Variants in SAMMSON observed in about 807,000 individuals in gnomAD.
The protein encoded by SAMMSON is survival associated mitochondrial melanoma specific oncogenic non-coding RNA, also known as long intergenic non-protein coding RNA 1212.
At chr3:70,281,798 C>T (rs1253974777) in intron 6 of SAMMSON, among the ~76,000 whole-genome samples, 1 of 152,158 alleles carries the variant, frequency 6.6e-6, no homozygotes, top group African/African-American at 2.4e-5. Flanking sequence ...AAAATTCTTG[C>T]ACATATGAAT....
chr3:70,145,389 C>T (rs1171856814), intron 4 of SAMMSON, among the ~76,000 whole-genome samples: 1 of 152,104 alleles, frequency 6.6e-6, no homozygotes, highest in Admixed American at 6.6e-5. Flanking sequence ...CCATCAAAAA[C>T]CAACGGAATA....
At chr3:70,215,134 G>A (rs940185292) in intron 4 of SAMMSON, among the ~76,000 whole-genome samples, 1 of 152,018 alleles carries the variant, frequency 6.6e-6, no homozygotes, top group Non-Finnish European at 1.5e-5. Context: ...GTCACTTAAA[G>A]TCTCTTATGT....
chr3:70,001,663 G>T (rs773489635), intron 1 of SAMMSON, among the ~76,000 whole-genome samples: 15 of 152,036 alleles, frequency 9.9e-5, no homozygotes, highest in Non-Finnish European at 1.9e-4. Context: ...GGGGAATCAC[G>T]ACTTTCTAAT....
At chr3:70,093,002 G>A (rs559362758) in intron 4 of SAMMSON, among the ~76,000 whole-genome samples, 2 of 151,668 alleles carry the variant, frequency 1.3e-5, no homozygotes, top group Non-Finnish European at 2.9e-5. Flanking sequence ...CCTGGGATGG[G>A]AACAGTGAGA....
chr3:70,284,405 CA>C (rs1230851563), intron 6 of SAMMSON, among the ~76,000 whole-genome samples: 7 of 151,946 alleles, frequency 4.6e-5, no homozygotes, highest in Non-Finnish European at 1.5e-5. Flanking sequence ...TTTCTAAAAA[CA>C]AAAGCAAAAA....
At position 70,387,678 on chromosome 3, in the gene SAMMSON, G is replaced by A. The variant is rs1700984289; in HGVS notation, n.914-1896G>A. ...ACCTAAGGGCAAAATGTAACAATCA[G>A]GTCACACAGAGAACTTCAAAATAGC... On this transcript the variant is annotated intron_variant and non_coding_transcript_variant, in intron 9 of 9. Transcript: ENST00000642114. Among the ~76,000 whole-genome samples, 3 of 152,116 alleles carry A rather than the reference G, an allele frequency of 2.0e-5. No homozygotes were observed. In the South Asian group the frequency reaches 6.2e-4, roughly 32 times the overall value.
intron 9 of SAMMSON, among the ~76,000 whole-genome samples, chr3:70,384,866 A>G (rs1453856768): frequency 6.6e-5 from 10 of 152,048 alleles, no homozygotes; most frequent in Admixed American, 6.6e-4. Context: ...GAAATGTTCT[A>G]TATTTGTGCT....
At chr3:70,200,016 C>T (rs996445866) in intron 4 of SAMMSON, among the ~76,000 whole-genome samples, 1 of 152,138 alleles carries the variant, frequency 6.6e-6, no homozygotes, top group Non-Finnish European at 1.5e-5. Flanking sequence ...CAGATGAATT[C>T]GGCAGAAACC....
At chr3:70,385,306 GATATTA>G (rs1484144640) in intron 9 of SAMMSON, among the ~76,000 whole-genome samples, 1 of 152,070 alleles carries the variant, frequency 6.6e-6, no homozygotes, top group Non-Finnish European at 1.5e-5. Context: ...GTACTCATCA[GATATTA>G]ATACTTCCTC....
At chr3:70,052,083 G>A (rs1209854026) in intron 3 of SAMMSON, among the ~76,000 whole-genome samples, 1 of 152,098 alleles carries the variant, frequency 6.6e-6, no homozygotes, top group Non-Finnish European at 1.5e-5. Flanking sequence ...GGGCAATACA[G>A]CGAGGACCTG....
intron 7 of SAMMSON, among the ~76,000 whole-genome samples, chr3:70,334,990 A>G (rs1702650439): frequency 6.6e-6 from 1 of 151,926 alleles, no homozygotes; most frequent in African/African-American, 2.4e-5. Context: ...ATGTTATGGG[A>G]AAAAAGTTGA....
chr3:70,228,061 G>T (rs1459343485), intron 4 of SAMMSON, among the ~76,000 whole-genome samples: 1 of 151,742 alleles, frequency 6.6e-6, no homozygotes, highest in African/African-American at 2.4e-5. Flanking sequence ...GAATCTTAAT[G>T]ATATCAGATT....
intron 6 of SAMMSON, among the ~76,000 whole-genome samples, chr3:70,286,929 G>T (rs1468130150): frequency 2.0e-5 from 3 of 151,718 alleles, no homozygotes; most frequent in East Asian, 1.9e-4. Context: ...CTTTGCTGAA[G>T]TTGCTTATCA....
chr3:70,391,405 A>G (rs1458112300), downstream of SAMMSON, among the ~76,000 whole-genome samples: 9 of 152,002 alleles, frequency 5.9e-5, no homozygotes, highest in African/African-American at 1.7e-4. Context: ...TTTCAGGTTC[A>G]TTTCATGTTG....
chr3:70,121,414 A>G (rs1257812418), intron 4 of SAMMSON, among the ~76,000 whole-genome samples: 1 of 152,104 alleles, frequency 6.6e-6, no homozygotes. Context: ...ATCAGTTGAA[A>G]TGGGCCCATA....
chr3:70,154,850 G>A (rs1378376291), intron 4 of SAMMSON, among the ~76,000 whole-genome samples: 3 of 151,962 alleles, frequency 2.0e-5, no homozygotes, highest in Non-Finnish European at 4.4e-5. Flanking sequence ...CCTATGGAGA[G>A]GGGCATCCCC....
chr3:70,251,439 A>G (rs1023230918), intron 6 of SAMMSON, among the ~76,000 whole-genome samples: 4 of 152,176 alleles, frequency 2.6e-5, no homozygotes, highest in South Asian at 2.1e-4. Flanking sequence ...GTATCTGTCT[A>G]CTGGCATAAT....
chr3:70,126,672 G>T lies in SAMMSON; in HGVS notation n.507+55107G>T, dbSNP rs1367840988. ...TCACTGTCAAGATTAATTGTGAAAA[G>T]CTGGGCAAGGCTAAGAAGTTAGGTT... On this transcript the variant is annotated intron_variant and non_coding_transcript_variant, in intron 4 of 9. Transcript: ENST00000642114. 19 of 284,288 alleles carry T rather than the reference G, an allele frequency of 6.7e-5. No homozygotes were observed. The Admixed American group carries it at 9.1e-4, about 14-fold the overall frequency. The allele number at this position is 284,288 out of a possible 1,614,324, so 17.6% of individuals were successfully genotyped here.
intron 4 of SAMMSON, among the ~76,000 whole-genome samples, chr3:70,189,435 A>G (rs747628159): frequency 7.2e-5 from 11 of 152,302 alleles, no homozygotes; most frequent in Middle Eastern, 3.4e-3. Flanking sequence ...CTACAGGACC[A>G]ATCCAGCTAT....
Sources: allele counts gnomAD v4.1 joint callset (sites outside exome capture counted in the v4.1 genomes callset), GRCh38; gene constraint gnomAD v4.1.1; transcripts MANE v1.5; gene names NCBI Gene and HGNC (gene_info 2026-07-23, HGNC 2026-07-21).